The following NEGR1 variants were observed in gnomAD, a reference collection of about 807,000 sequenced individuals.
NEGR1 encodes neuronal growth regulator 1.
Under a neutral mutation model 40.9 loss-of-function variants are expected in NEGR1, and 10 were observed. The observed-to-expected ratio is 0.24, with a 90% confidence interval of 0.15 to 0.42. NEGR1 has a LOEUF of 0.42. NEGR1 is among the 10% of genes least tolerant of loss of function. NEGR1 has a pLI of 1.00. For synonymous variants in NEGR1, 185 were observed against 166.8 expected (o/e 1.11, Z -0.84); for missense variants, 352 against 438.9 (o/e 0.80, Z 1.77).
At chr1:71,545,321 T>A (rs112566924) in intron 6 of NEGR1, among the ~76,000 whole-genome samples, 184 of 151,766 alleles carry the variant, frequency 1.2e-3, no homozygotes, top group African/African-American at 4.2e-3. Context: ...ACACCCCTCC[T>A]TTTTTAGGAG....
At chr1:71,857,829 A>G (rs965434064) in intron 2 of NEGR1, among the ~76,000 whole-genome samples, 5 of 151,982 alleles carry the variant, frequency 3.3e-5, no homozygotes, top group African/African-American at 1.2e-4. Context: ...CAAATATTGT[A>G]TAAATTCTAT....
chr1:71,728,793 G>A (rs532510569), intron 3 of NEGR1, among the ~76,000 whole-genome samples: 7 of 152,176 alleles, frequency 4.6e-5, no homozygotes, highest in Admixed American at 2.6e-4. Context: ...GCTCATTAGC[G>A]TAAGTTTTCT....
At chr1:71,653,110 T>C (rs897020378) in intron 4 of NEGR1, among the ~76,000 whole-genome samples, 6 of 152,206 alleles carry the variant, frequency 3.9e-5, no homozygotes, top group African/African-American at 1.4e-4. Context: ...TCTTCACTTT[T>C]TTTGTATTTA....
chr1:71,602,238 C>CTTTTTTTT (rs386367303), intron 5 of NEGR1, among the ~76,000 whole-genome samples: 14 of 64,538 alleles, frequency 2.2e-4, no homozygotes, highest in Non-Finnish European at 3.2e-4. Context: ...CATGATTATT[C>CTTTTTTTT]TTTTTTTTTT....
chr1:71,660,279 AACTTATG>A (rs1652013357), intron 4 of NEGR1, among the ~76,000 whole-genome samples: 1 of 152,156 alleles, frequency 6.6e-6, no homozygotes, highest in Non-Finnish European at 1.5e-5. Context: ...AAATGATAAG[AACTTATG>A]AACACAAAGA....
chr1:71,642,913 A>G (rs557584817), intron 4 of NEGR1, among the ~76,000 whole-genome samples: 30 of 152,050 alleles, frequency 2.0e-4, no homozygotes, highest in African/African-American at 6.3e-4. Context: ...CCTTTTATCT[A>G]GGATTGGGCC....
chr1:71,905,578 C>G (rs1453695580), intron 2 of NEGR1, among the ~76,000 whole-genome samples: 3 of 151,842 alleles, frequency 2.0e-5, no homozygotes, highest in African/African-American at 7.3e-5. Context: ...AATATATGAT[C>G]CATTGGTCAT....
chr1:71,589,614 A>G (rs2101516931), intron 6 of NEGR1, among the ~76,000 whole-genome samples: 1 of 152,204 alleles, frequency 6.6e-6, no homozygotes, highest in Non-Finnish European at 1.5e-5. Flanking sequence ...ATGCAAACTA[A>G]ACATTAGCAG....
chr1:71,780,370 A>G (rs1378052158), intron 2 of NEGR1, among the ~76,000 whole-genome samples: 1 of 152,232 alleles, frequency 6.6e-6, no homozygotes, highest in Non-Finnish European at 1.5e-5. Flanking sequence ...TATCCTCACT[A>G]TCTTCATTAT....
chr1:72,258,503 T>C (rs993290625), intron 1 of NEGR1, among the ~76,000 whole-genome samples: 3 of 151,952 alleles, frequency 2.0e-5, no homozygotes, highest in Admixed American at 6.6e-5. Context: ...CTGTAGAAAA[T>C]AGAGCAGAGA....
At chr1:72,242,858 G>A (rs7543526) in intron 1 of NEGR1, among the ~76,000 whole-genome samples, 3,417 of 151,536 alleles carry the variant, frequency 0.023, 141 homozygotes, top group African/African-American at 0.078. Flanking sequence ...TTGTTGAGTC[G>A]GCCCTGCACT....
At chr1:71,829,387 T>C (rs182647364) in intron 2 of NEGR1, among the ~76,000 whole-genome samples, 5 of 152,018 alleles carry the variant, frequency 3.3e-5, no homozygotes, top group African/African-American at 1.2e-4. Context: ...TAAGCTCCTA[T>C]CAAACTGATG....
chr1:71,914,161 A>C (rs1661506995), intron 2 of NEGR1, among the ~76,000 whole-genome samples: 1 of 152,202 alleles, frequency 6.6e-6, no homozygotes, highest in Non-Finnish European at 1.5e-5. Context: ...GCCAATACCT[A>C]CCACCATTTA....
At chr1:72,273,391 T>C (rs1476359627) in intron 1 of NEGR1, among the ~76,000 whole-genome samples, 1 of 151,914 alleles carries the variant, frequency 6.6e-6, no homozygotes, top group Non-Finnish European at 1.5e-5. Context: ...ACAATAGACA[T>C]TTTGCTATTT....
chr1:71,647,695 T>C (rs12062322), intron 4 of NEGR1, among the ~76,000 whole-genome samples: 5,580 of 151,960 alleles, frequency 0.037, 135 homozygotes, highest in African/African-American at 0.073. Context: ...TCTTCTACAG[T>C]TTTTCCTTTA....
intron 3 of NEGR1, among the ~76,000 whole-genome samples, chr1:71,705,248 A>T (rs1653849366): frequency 6.6e-6 from 1 of 152,152 alleles, no homozygotes; most frequent in Non-Finnish European, 1.5e-5. Context: ...AATTAACTCA[A>T]TATGCATCAT....
intron 2 of NEGR1, among the ~76,000 whole-genome samples, chr1:71,825,697 G>T (rs1479889077): frequency 6.6e-6 from 1 of 151,766 alleles, no homozygotes; most frequent in Non-Finnish European, 1.5e-5. Context: ...AATACTTACA[G>T]ATTTATGAAA....
intron 2 of NEGR1, among the ~76,000 whole-genome samples, chr1:71,901,773 C>T (rs900177585): frequency 1.3e-5 from 2 of 149,320 alleles, no homozygotes; most frequent in Non-Finnish European, 3.0e-5. Flanking sequence ...CGGGTTCAAG[C>T]GATTCTCCTG....
chr1:72,128,638 T>C (rs944487121), intron 1 of NEGR1, among the ~76,000 whole-genome samples: 3 of 152,196 alleles, frequency 2.0e-5, no homozygotes, highest in African/African-American at 4.8e-5. Flanking sequence ...AAATGTATTA[T>C]ATTAATTTTA....
Sources: gnomAD v4.1 joint callset for allele counts (sites outside exome capture counted in the v4.1 genomes callset) on GRCh38, gnomAD v4.1.1 for gene constraint, MANE v1.5 for transcripts, NCBI Gene and HGNC (gene_info 2026-07-23, HGNC 2026-07-21) for gene names.